The following NME4 variants were observed in gnomAD, a reference collection of about 807,000 sequenced individuals.
The protein encoded by NME4 is NME/NM23 nucleoside diphosphate kinase 4.
NME4 carries 21 observed loss-of-function variants against 16.4 expected under a neutral mutation model. That is an observed-to-expected ratio of 1.28 (90% CI 0.91 to 1.84). NME4 has a LOEUF of 1.84. Ranked by LOEUF, NME4 falls within the 40% of genes most tolerant of loss-of-function variation. The pLI, the probability that NME4 is intolerant of heterozygous loss-of-function variation, is 0.00. For synonymous variants in NME4, 132 were observed against 107.5 expected, an observed-to-expected ratio of 1.23 and a Z score of -1.41; for missense variants, 316 against 261.3, an observed-to-expected ratio of 1.21 and a Z score of -1.44.
chr16:398,900 T>C, intron 1 of NME4, 90 bp from the exon 2 acceptor site: 1 of 1,556,598 alleles, frequency 6.4e-7, no homozygotes, highest in East Asian at 2.2e-5. Context: ...CCCTGAAGCC[T>C]GGTGACCCCT....
chr16:399,587 G>A (rs2054615621), intron 3 of NME4, 40 bp from the exon 4 acceptor site: 9 of 1,603,150 alleles, frequency 5.6e-6, no homozygotes, highest in Non-Finnish European at 7.7e-6. Context: ...GGGGCCCTTG[G>A]TGTTCCCCAC....
At chr16:397,147 G>C (rs1031501343), upstream of NME4, 827 of 536,108 alleles carry the variant, frequency 1.5e-3, 8 homozygotes, top group African/African-American at 0.017. Context: ...TCCCGGGCGG[G>C]CGGGGGCGGG....
At chr16:399,231 T>C in intron 2 of NME4, 108 bp downstream of exon 2, 2 of 1,495,600 alleles carry the variant, frequency 1.3e-6, no homozygotes, top group Admixed American at 1.7e-5. Context: ...GCTTTGGCAG[T>C]TGAAGGGGCA....
chr16:398,924 G>T, intron 1 of NME4, 66 bp from the exon 2 acceptor site: 1 of 1,593,952 alleles, frequency 6.3e-7, no homozygotes. Context: ...CTCTGGCTGG[G>T]AAACCCGGGT....
intron 4 of NME4, 66 bp downstream of exon 4, chr16:399,805 C>G: frequency 7.5e-7 from 1 of 1,334,776 alleles, no homozygotes; most frequent in Non-Finnish European, 1.1e-6. Flanking sequence ...GGGGTGGTGG[C>G]AGATCCACGA....
intron 1 of NME4, 139 bp from the exon 2 acceptor site, chr16:398,851 T>C: frequency 8.5e-7 from 1 of 1,180,890 alleles, no homozygotes; most frequent in Non-Finnish European, 1.2e-6. Flanking sequence ...GTGGGCACCA[T>C]CCCTGTCCCT....
Position 400,286 on chromosome 16 carries a change from A to G in NME4, c.508A>G (p.Ser170Gly). ...QREIQLWFQSSELVSWADGGQ... is the reference protein window; with the variant it reads ...QREIQLWFQSGELVSWADGGQ... ...GGAGATCCAGCTGTGGTTCCAGAGC[A>G]GTGAGCTGGTGAGCTGGGCAGACGG... Residue 170 changes from serine (S) to glycine (G), a missense_variant, in exon 5 of 5, where the codon AGT becomes GGT. By Grantham distance (56) the Ser-to-Gly change is moderately conservative (BLOSUM62 0). Coordinates refer to ENST00000219479, the MANE Select transcript of NME4 (RefSeq NM_005009.3). 6.2e-7 allele frequency: 1 copy of G among 1,607,236 alleles called. No homozygotes were observed. The highest frequency in any genetic ancestry group is 1.1e-5 in the South Asian group (1 of 90,806).
intron 1 of NME4, among the ~76,000 whole-genome samples, chr16:397,519 C>T (rs1189066820): frequency 1.5e-5 from 2 of 134,054 alleles, no homozygotes; most frequent in Non-Finnish European, 3.2e-5. Flanking sequence ...GGCTCCTTCT[C>T]GCCTCCCCAG....
intron 3 of NME4, 48 bp from the exon 4 acceptor site, chr16:399,579 G>C (rs750703867): frequency 1.3e-6 from 2 of 1,598,436 alleles, no homozygotes; most frequent in Non-Finnish European, 1.7e-6. Flanking sequence ...TGAGCCCAGG[G>C]GCCCTTGGTG....
rs2141782917 is a variant in NME4 at position 397,238 on chromosome 16, T to A, written c.16T>A (p.Trp6Arg). The A allele has an allele frequency of 9.7e-7, 1 of 1,034,830 alleles. No individual in the cohort carries two copies. The highest frequency in any genetic ancestry group is 1.7e-5 in the African/African-American group (1 of 57,694). The allele number at this position is 1,034,830 out of a possible 1,614,324, so 64.1% of individuals were successfully genotyped here. MGGLF[W>R]RSALRGLRCG... ...GCCGGGCGTCATGGGCGGCCTCTTC[T>A]GGCGCTCCGCGCTGCGGGGGCTGCG... is the stretch of plus-strand genomic sequence containing the variant. The change falls in exon 1 of 5, where the codon TGG becomes AGG. Residue 6 changes from tryptophan to arginine, a missense_variant. Coordinates refer to ENST00000219479, the MANE Select transcript of NME4 (RefSeq NM_005009.3).
chr16:397,440 G>A (rs1161830020), intron 1 of NME4, 127 bp downstream of exon 1: 19 of 261,064 alleles, frequency 7.3e-5, no homozygotes, highest in Non-Finnish European at 1.1e-4. Context: ...GCGGGCTGCG[G>A]GGTCCGTCCG....
Position 400,752 on chromosome 16 carries a change from C to T in NME4, c.*410C>T, listed in dbSNP as rs2054645406. On this transcript the variant is annotated 3_prime_UTR_variant, in exon 5 of 5. Coordinates refer to ENST00000219479, the MANE Select transcript of NME4 (RefSeq NM_005009.3). ...ACAGTAAAGAGGAAGTTTTGCACACCCAGTTCCATAACGTTGTTGGATGTA... is the reference window on the plus strand; with the variant it reads ...ACAGTAAAGAGGAAGTTTTGCACACTCAGTTCCATAACGTTGTTGGATGTA... 1 of 162,724 alleles carries T rather than the reference C, an allele frequency of 6.1e-6. No individual in the cohort carries two copies. The highest frequency in any genetic ancestry group is 1.3e-5 in the Non-Finnish European group (1 of 75,192). 10.1% of individuals were successfully genotyped at this position (162,724 alleles called of 1,614,324 possible).
chr16:398,818 C>G, intron 1 of NME4, 172 bp from the exon 2 acceptor site: 1 of 831,590 alleles, frequency 1.2e-6, no homozygotes, highest in Non-Finnish European at 1.9e-6. Flanking sequence ...CTGACAGGGA[C>G]TATCATGGGG....
Position 400,702 on chromosome 16 carries a change from C to T in NME4, c.*360C>T, listed in dbSNP as rs943294180. The T allele has an allele frequency of 2.7e-5, 6 of 221,124 alleles. No individual in the cohort carries two copies. Among genetic ancestry groups the T allele is most frequent in the Non-Finnish European group, 4.5e-5 (5 of 112,352 alleles). The allele number at this position is 221,124 out of a possible 1,614,324, so 13.7% of individuals were successfully genotyped here. On this transcript the variant is annotated 3_prime_UTR_variant, in exon 5 of 5. Transcript: ENST00000219479. ...CCCAGCTCTGAGGTAGAAATGACGC[C>T]TTTATGCAAGTTGTAAGGAGTTGAA...
chr16:399,488 A>G lies in NME4; in HGVS notation c.327+8A>G, dbSNP rs1434693794. 1 of 1,611,872 alleles carries G rather than the reference A, an allele frequency of 6.2e-7. No homozygotes were observed. Among genetic ancestry groups the G allele is most frequent in the East Asian group, 2.2e-5 (1 of 44,860 alleles). ...GGGCCTGTGGTGGCCATGGTACGGC[A>G]GGGCAGGGGTGGTGGAAGGGCCTGT... On this transcript the variant is annotated splice_region_variant and intron_variant, in intron 3 of 4. Transcript: ENST00000219479.
intron 2 of NME4, 118 bp from the exon 3 acceptor site, chr16:399,250 CTATTCTGCGGT>C: frequency 6.9e-7 from 1 of 1,441,776 alleles, no homozygotes; most frequent in Non-Finnish European, 9.8e-7. Context: ...CAGGAGGGAT[CTATTCTGCGGT>C]GGGGGTGCTG....
In NME4 at chr16:397,838, G is replaced by GC. The variant is rs968300821; in HGVS notation, c.91+532dup. 62 of 1,541,542 alleles carry GC rather than the reference G, an allele frequency of 4.0e-5. No homozygotes were observed. The Middle Eastern group carries it at 6.0e-4, about 15-fold the overall frequency. ...AAGTCCCCGGCCCCGCCGCTGCCCG[G>GC]CCCCCCCAGCTGCCACCTCACAGGA... On this transcript the variant is annotated intron_variant, in intron 1 of 4. Coordinates refer to ENST00000219479, the MANE Select transcript of NME4 (RefSeq NM_005009.3).
rs761419011 is a variant in NME4, at chr16:399,431, T to G, written c.278T>G (p.Phe93Cys). The part of the protein sequence containing the change: ...EHYQDLRRKP[F>C]YPALIRYMSS... ...TACCAGGACCTGCGGAGGAAGCCCT[T>G]CTACCCTGCCCTCATCCGCTACATG... The change falls in exon 3 of 5, where the codon TTC (phenylalanine) becomes TGC (cysteine). Residue 93 changes from phenylalanine (F) to cysteine (C), a missense_variant. Transcript: ENST00000219479. 4.3e-6 allele frequency: 7 copies of G among 1,613,006 alleles called. No homozygotes were observed. The highest frequency in any genetic ancestry group is 5.9e-6 in the Non-Finnish European group (7 of 1,179,970).
Position 399,677 on chromosome 16 carries a change from C to T in NME4, c.378C>T (p.His126=), listed in dbSNP as rs2054618283. Residue 126 remains histidine (H), a synonymous_variant, in exon 4 of 5, where the codon CAC becomes CAT. Coordinates refer to ENST00000219479, the MANE Select transcript of NME4 (RefSeq NM_005009.3). The stretch of plus-strand genomic sequence containing the variant: ...GCGCCTCGAGGGCCATGATTGGACA[C>T]ACCGACTCGGCTGAGGCTGCCCCAG... ...VVRASRAMIG[H]TDSAEAAPGT... 1.2e-6 allele frequency: 2 copies of T among 1,613,112 alleles called. No homozygotes were observed. Among genetic ancestry groups the T allele is most frequent in the South Asian group, 1.1e-5 (1 of 91,090 alleles).
Sources: allele counts gnomAD v4.1 joint callset (sites outside exome capture counted in the v4.1 genomes callset), GRCh38; gene constraint gnomAD v4.1.1; transcripts MANE v1.5; gene names NCBI Gene and HGNC (gene_info 2026-07-23, HGNC 2026-07-21).